Variants in NAT1 observed in about 807,000 individuals in gnomAD.
NAT1 encodes the protein N-acetyltransferase 1.
For missense variants in NAT1, 400 were observed against 339.2 expected (o/e 1.18, Z -1.41); for synonymous variants, 144 against 122.6 (o/e 1.17, Z -1.16).
chr8:18,183,677 C>T (rs1210019764), intron 2 of NAT1, among the ~76,000 whole-genome samples: 2 of 152,146 alleles, frequency 1.3e-5, no homozygotes, highest in Non-Finnish European at 1.5e-5. Flanking sequence ...GAATCCCCTC[C>T]CACAATAAAC....
In NAT1 at chr8:18,179,853, G is replaced by A. The variant is rs534364817; in HGVS notation, n.92+9114G>A. The stretch of plus-strand genomic sequence containing the variant: ...GAAAGACACACAGAAACACAAGGAA[G>A]GCACTGTTTCTGCCTGCCTCTAATG... On this transcript the variant is annotated intron_variant and non_coding_transcript_variant, in intron 2 of 4. Coordinates refer to the NAT1 transcript ENST00000517441. Among the ~76,000 whole-genome samples the A allele has an allele frequency of 4.6e-5, 7 of 152,256 alleles. No homozygotes were observed. In the South Asian group the frequency reaches 1.5e-3, roughly 32 times the overall value.
chr8:18,214,916 C>G (rs899260170), intron 1 of NAT1, among the ~76,000 whole-genome samples: 2 of 152,226 alleles, frequency 1.3e-5, no homozygotes, highest in East Asian at 3.8e-4. Flanking sequence ...TTAGCTCCCA[C>G]TTATAAGTAG....
intron 2 of NAT1, 32 bp downstream of exon 2, chr8:18,219,521 G>A: frequency 7.7e-7 from 1 of 1,296,310 alleles, no homozygotes; most frequent in Non-Finnish European, 1.1e-6. Flanking sequence ...GCTCTCAGTG[G>A]GCTTCCTAAG....
At chr8:18,212,695 G>C (rs1395784751) in intron 1 of NAT1, 1 of 152,372 alleles carries the variant, frequency 6.6e-6, no homozygotes, top group East Asian at 1.9e-4. Flanking sequence ...AGAGTCTAGG[G>C]TACAGGTCCG....
At chr8:18,204,642 G>A (rs1273694447) in intron 2 of NAT1, among the ~76,000 whole-genome samples, 1 of 151,870 alleles carries the variant, frequency 6.6e-6, no homozygotes, top group Non-Finnish European at 1.5e-5. Context: ...TTTTATCTAC[G>A]AATACAGATA....
intron 2 of NAT1, among the ~76,000 whole-genome samples, chr8:18,173,022 C>T (rs1417009855): frequency 2.0e-5 from 3 of 152,094 alleles, no homozygotes; most frequent in African/African-American, 7.2e-5. Context: ...CAGGACCTCT[C>T]TTCAGGGGCG....
At chr8:18,216,920 G>A (rs1174532358) in intron 1 of NAT1, 9 of 1,551,134 alleles carry the variant, frequency 5.8e-6, no homozygotes, top group Non-Finnish European at 6.1e-6. Context: ...TACACAAGGA[G>A]GCAGCCCTCG....
chr8:18,208,946 T>C (rs1180841532), upstream of NAT1, among the ~76,000 whole-genome samples: 1 of 152,164 alleles, frequency 6.6e-6, no homozygotes, highest in East Asian at 1.9e-4. Context: ...TGGAAGATGA[T>C]TTAAGGACGT....
intron 2 of NAT1, among the ~76,000 whole-genome samples, chr8:18,193,299 T>C (rs1803091851): frequency 6.7e-6 from 1 of 149,876 alleles, no homozygotes; most frequent in Non-Finnish European, 1.5e-5. Flanking sequence ...CAAGCTGGTC[T>C]CCAACTCCTG....
At chr8:18,179,973 C>G (rs547844010) in intron 2 of NAT1, among the ~76,000 whole-genome samples, 3 of 152,108 alleles carry the variant, frequency 2.0e-5, no homozygotes, top group Non-Finnish European at 4.4e-5. Context: ...ACTAATGGCC[C>G]AAATTACAGA....
chr8:18,222,997 T>C lies in NAT1; in HGVS notation c.*77T>C. ...AACTGACGACCTATCATGTATCTTC[T>C]GTACCCTTACCTTATTTTGAAGAAA... On this transcript the variant is annotated 3_prime_UTR_variant, in exon 3 of 3. Coordinates refer to ENST00000307719, the MANE Select transcript of NAT1 (RefSeq NM_000662.8). The C allele has an allele frequency of 1.7e-6, 2 of 1,211,646 alleles. No individual in the cohort carries two copies. Among genetic ancestry groups the C allele is most frequent in the East Asian group, 2.7e-5 (1 of 37,582 alleles). The allele number at this position is 1,211,646 out of a possible 1,614,324, so 75.1% of individuals were successfully genotyped here.
chr8:18,206,261 A>G (rs1479464274), upstream of NAT1, among the ~76,000 whole-genome samples: 1 of 152,138 alleles, frequency 6.6e-6, no homozygotes. Flanking sequence ...AGACCCATGT[A>G]GGGTTCCCAG....
chr8:18,195,730 C>G (rs1803202272), intron 2 of NAT1, among the ~76,000 whole-genome samples: 1 of 152,172 alleles, frequency 6.6e-6, no homozygotes, highest in African/African-American at 2.4e-5. Context: ...GTCTGTCCTC[C>G]TGAGCTTTTT....
intron 2 of NAT1, among the ~76,000 whole-genome samples, chr8:18,174,212 G>C (rs942453375): frequency 6.6e-6 from 1 of 152,270 alleles, no homozygotes; most frequent in African/African-American, 2.4e-5. Flanking sequence ...GTTTCCCAGG[G>C]TGAGGGAAAA....
chr8:18,211,533 A>G (rs910194285), intron 1 of NAT1, among the ~76,000 whole-genome samples: 2 of 152,232 alleles, frequency 1.3e-5, no homozygotes, highest in African/African-American at 4.8e-5. Flanking sequence ...TGTCTTCAGC[A>G]GTAGCAGCTG....
chr8:18,190,181 T>C (rs371894894), intron 2 of NAT1, among the ~76,000 whole-genome samples: 169 of 152,372 alleles, frequency 1.1e-3, no homozygotes, highest in African/African-American at 3.7e-3. Context: ...AATCCCATTA[T>C]ACATAGAACA....
intron 1 of NAT1, among the ~76,000 whole-genome samples, chr8:18,216,386 T>C (rs947690534): frequency 3.9e-5 from 6 of 152,144 alleles, no homozygotes; most frequent in Non-Finnish European, 8.8e-5. Flanking sequence ...CGGCTGTCAG[T>C]GTAAATGTTT....
At chr8:18,186,517 T>C (rs1177426134) in intron 2 of NAT1, among the ~76,000 whole-genome samples, 1 of 152,146 alleles carries the variant, frequency 6.6e-6, no homozygotes, top group Admixed American at 6.5e-5. Context: ...ATAGTTGTTT[T>C]TGAAAAATCT....
chr8:18,179,949 A>G (rs1427571006), intron 2 of NAT1, among the ~76,000 whole-genome samples: 1 of 152,226 alleles, frequency 6.6e-6, no homozygotes, highest in East Asian at 1.9e-4. Context: ...AGGAGATGTC[A>G]TAAGGCAACA....
Sources: allele counts gnomAD v4.1 joint callset (sites outside exome capture counted in the v4.1 genomes callset), GRCh38; gene constraint gnomAD v4.1.1; transcripts MANE v1.5; gene names NCBI Gene and HGNC (gene_info 2026-07-23, HGNC 2026-07-21).